Variants in ZFHX3 observed in about 807,000 individuals in gnomAD.
ZFHX3 encodes the protein zinc finger homeobox 3.
ZFHX3 carries 42 observed loss-of-function variants against 279.1 expected under a neutral mutation model. That is an observed-to-expected ratio of 0.15 (90% CI 0.12 to 0.19). The LOEUF (loss-of-function observed/expected upper bound fraction) is 0.19. Ranked by LOEUF, ZFHX3 falls within the 10% of genes least tolerant of loss-of-function variation. The pLI, the probability that ZFHX3 is intolerant of heterozygous loss-of-function variation, is 1.00. For synonymous variants in ZFHX3, 2,293 were observed against 1,957.8 expected (o/e 1.17, Z -4.52); for missense variants, 4,981 against 4,754.0 (o/e 1.05, Z -1.40).
intron 4 of ZFHX3, among the ~76,000 whole-genome samples, chr16:72,855,688 C>T (rs1337247117): frequency 6.6e-6 from 1 of 152,208 alleles, no homozygotes; most frequent in Non-Finnish European, 1.5e-5. Flanking sequence ...CAATACCCTG[C>T]ACCAGGAATA....
intron 2 of ZFHX3, among the ~76,000 whole-genome samples, chr16:73,664,582 A>C (rs1027837343): frequency 6.6e-6 from 1 of 152,192 alleles, no homozygotes; most frequent in Non-Finnish European, 1.5e-5. Context: ...ATCCCATAGT[A>C]TTTGCCATTT....
chr16:73,271,743 C>A (rs528582739), intron 4 of ZFHX3, among the ~76,000 whole-genome samples: 2 of 152,282 alleles, frequency 1.3e-5, no homozygotes, highest in South Asian at 4.1e-4. Context: ...CTGATTGACA[C>A]CTACCCGTCT....
intron 2 of ZFHX3, among the ~76,000 whole-genome samples, chr16:73,596,364 T>C (rs1163855224): frequency 6.6e-6 from 1 of 152,146 alleles, no homozygotes; most frequent in African/African-American, 2.4e-5. Flanking sequence ...AGACTCCACA[T>C]GGGAGTTTTG....
At chr16:72,935,539 G>A (rs1458498434) in intron 3 of ZFHX3, among the ~76,000 whole-genome samples, 1 of 152,058 alleles carries the variant, frequency 6.6e-6, no homozygotes, top group Non-Finnish European at 1.5e-5. Context: ...TCAGGAGTTC[G>A]AGACCAGACT....
At chr16:73,164,415 T>C (rs1358665934) in intron 5 of ZFHX3, among the ~76,000 whole-genome samples, 1 of 152,090 alleles carries the variant, frequency 6.6e-6, no homozygotes, top group Non-Finnish European at 1.5e-5. Context: ...TTAGGAAATG[T>C]GGGGCCGGGC....
At chr16:73,051,425 A>C (rs149567818), upstream of ZFHX3, among the ~76,000 whole-genome samples, 1 of 152,208 alleles carries the variant, frequency 6.6e-6, no homozygotes, top group Non-Finnish European at 1.5e-5. Context: ...GAAGTTCCTC[A>C]GAACAGCTCA....
intron 8 of ZFHX3, among the ~76,000 whole-genome samples, chr16:73,078,151 A>G (rs1349497077): frequency 6.6e-6 from 1 of 152,206 alleles, no homozygotes; most frequent in Non-Finnish European, 1.5e-5. Context: ...CTAGGCAGCA[A>G]AGGAGAAAGA....
chr16:72,791,239 G>A (rs1467333744), intron 9 of ZFHX3: 1 of 152,204 alleles, frequency 6.6e-6, no homozygotes, highest in South Asian at 2.1e-4. Context: ...GATAGAAAAA[G>A]CTTAGCATTG....
intron 4 of ZFHX3, among the ~76,000 whole-genome samples, chr16:72,861,495 A>T (rs2037886169): frequency 6.6e-6 from 1 of 152,188 alleles, no homozygotes. Flanking sequence ...TCATTACACC[A>T]GTGAATCCTG....
At chr16:72,905,500 A>C (rs2039145708) in intron 3 of ZFHX3, among the ~76,000 whole-genome samples, 1 of 152,098 alleles carries the variant, frequency 6.6e-6, no homozygotes, top group Non-Finnish European at 1.5e-5. Flanking sequence ...TAAACTGACA[A>C]ATAATTGCAA....
intron 2 of ZFHX3, among the ~76,000 whole-genome samples, chr16:73,456,966 G>A (rs1204564687): frequency 6.6e-6 from 1 of 152,194 alleles, no homozygotes; most frequent in Non-Finnish European, 1.5e-5. Context: ...AGGCGTAATA[G>A]AAGGGTCTGG....
chr16:72,932,556 TAC>T (rs1000652039), intron 3 of ZFHX3, among the ~76,000 whole-genome samples: 1 of 150,058 alleles, frequency 6.7e-6, no homozygotes, highest in African/African-American at 2.5e-5. Context: ...ATGAGGCCAC[TAC>T]AGATTGGCCA....
Position 72,797,567 on chromosome 16 carries a change from T to G in ZFHX3, c.5115A>C (p.Ser1705=). 6.2e-7 allele frequency: 1 copy of G among 1,614,168 alleles called. No homozygotes were observed. The highest frequency in any genetic ancestry group is 8.5e-7 in the Non-Finnish European group (1 of 1,180,024). ...TCTTCCGATTGGCCTCTTTGGGCTCTGAAGGGGAAGCAATGTTGGCACCAA... is the reference window on the plus strand; with the variant it reads ...TCTTCCGATTGGCCTCTTTGGGCTCGGAAGGGGAAGCAATGTTGGCACCAA... ...NPIGANIASP[S]EPKEANRKKL... Residue 1705 remains serine (S), a synonymous_variant, in exon 9 of 10, where the codon TCA becomes TCC. Coordinates refer to ENST00000268489, the MANE Select transcript of ZFHX3 (RefSeq NM_006885.4).
At chr16:72,987,163 C>G (rs564379961) in intron 1 of ZFHX3, among the ~76,000 whole-genome samples, 1 of 152,272 alleles carries the variant, frequency 6.6e-6, no homozygotes, top group African/African-American at 2.4e-5. Context: ...CCTGTCTCAA[C>G]ACAAAACAAA....
rs2035294550 is a variant in ZFHX3 at position 72,784,928 on chromosome 16, A to G, written c.*2236T>C. On this transcript the variant is annotated 3_prime_UTR_variant, in exon 10 of 10. Transcript: ENST00000268489. Reference sequence around the variant, plus strand: ...AGTCCCGGCTAAAAAAGAAAAAAAGAAAAAAAATCCATTTTCAGATCTTGG... The same window carrying G: ...AGTCCCGGCTAAAAAAGAAAAAAAGGAAAAAAATCCATTTTCAGATCTTGG... 6.6e-6 allele frequency: 1 copy of G among 152,326 alleles called. No individual in the cohort carries two copies. Among genetic ancestry groups the G allele is most frequent in the Non-Finnish European group, 1.5e-5 (1 of 67,994 alleles). 9.4% of individuals were successfully genotyped at this position (152,326 alleles called of 1,614,324 possible). A position where few individuals can be genotyped will look rare whatever the true frequency, so the allele number is the denominator to read the frequency against.
At chr16:73,380,449 T>G (rs7194069) in intron 3 of ZFHX3, among the ~76,000 whole-genome samples, 31,913 of 152,162 alleles carry the variant, frequency 0.21, 4,660 homozygotes, top group African/African-American at 0.42. Flanking sequence ...GAAGTCACTG[T>G]CATCAATATT....
chr16:73,461,583 G>C (rs968096827), intron 2 of ZFHX3, among the ~76,000 whole-genome samples: 1 of 152,140 alleles, frequency 6.6e-6, no homozygotes, highest in African/African-American at 2.4e-5. Flanking sequence ...CCAAGATTGA[G>C]GTTCACTTTT....
intron 1 of ZFHX3, among the ~76,000 whole-genome samples, chr16:73,743,759 T>C (rs937996651): frequency 1.3e-5 from 2 of 152,156 alleles, no homozygotes; most frequent in Non-Finnish European, 2.9e-5. Flanking sequence ...AATATTACAC[T>C]TACCATTGGT....
chr16:73,058,576 C>A, exon 1 of ZFHX3: 1 of 216,150 alleles, frequency 4.6e-6, no homozygotes, highest in Non-Finnish European at 8.9e-6. Context: ...CTGCTGGCGA[C>A]GGCGGCGGCG....
Sources: gnomAD v4.1 joint callset for allele counts (sites outside exome capture counted in the v4.1 genomes callset) on GRCh38, gnomAD v4.1.1 for gene constraint, MANE v1.5 for transcripts, NCBI Gene and HGNC (gene_info 2026-07-23, HGNC 2026-07-21) for gene names.